EEF1AKMT1: variants seen among roughly 807,000 people sequenced by gnomAD.
EEF1AKMT1 encodes N-6 adenine-specific DNA methyltransferase 2 (putative).
Under a neutral mutation model 21.0 loss-of-function variants are expected in EEF1AKMT1, and 18 were observed. That is an observed-to-expected ratio of 0.86 (90% CI 0.59 to 1.27). EEF1AKMT1 has a LOEUF of 1.27. Ranked by LOEUF, EEF1AKMT1 falls within the 50% of genes most tolerant of loss-of-function variation. The pLI is 0.00. For synonymous variants in EEF1AKMT1, 109 were observed against 94.8 expected, an observed-to-expected ratio of 1.15 and a Z score of -0.87; for missense variants, 246 against 258.6, an observed-to-expected ratio of 0.95 and a Z score of 0.33.
Position 20,752,572 on chromosome 13 carries a change from T to A in EEF1AKMT1, c.144+4883A>T, listed in dbSNP as rs1024531720. ...TAGTATTTTGTTGAGGACTTTTGTG[T>A]CTATATTCATCTGGGATACTGGCCT... On this transcript the variant is annotated intron_variant, in intron 2 of 4. Transcript: ENST00000382758. 1.1e-4 allele frequency among the ~76,000 whole-genome samples: 17 copies of A among 152,148 alleles called. 1 individual carries two copies. The highest frequency in any genetic ancestry group is 3.8e-4 in the East Asian group (2 of 5,200).
chr13:20,734,066 G>C (rs1595011500), intron 3 of EEF1AKMT1, among the ~76,000 whole-genome samples: 3 of 152,294 alleles, frequency 2.0e-5, no homozygotes, highest in Admixed American at 2.0e-4. Context: ...GCGGTAGGAG[G>C]GGGAAAAGAA....
intron 2 of EEF1AKMT1, among the ~76,000 whole-genome samples, chr13:20,742,356 G>GA (rs147300261): frequency 0.095 from 14,014 of 148,188 alleles, 791 homozygotes; most frequent in Non-Finnish European, 0.13. Flanking sequence ...CAGTCTTTGA[G>GA]AAAAAAAAAA....
intron 2 of EEF1AKMT1, among the ~76,000 whole-genome samples, chr13:20,752,228 T>C (rs1289393067): frequency 6.6e-6 from 1 of 152,176 alleles, no homozygotes; most frequent in Non-Finnish European, 1.5e-5. Context: ...TTATTCCTGA[T>C]CTTAGAGGAA....
intron 1 of EEF1AKMT1, among the ~76,000 whole-genome samples, chr13:20,767,305 CAAAAAAAAAAA>C (rs61703956): frequency 6.7e-4 from 27 of 40,348 alleles, no homozygotes; most frequent in Non-Finnish European, 1.0e-3. Context: ...GATTCTGTCT[CAAAAAAAAAAA>C]AAAAAAAAAA....
At chr13:20,764,500 T>C (rs1252231738) in intron 1 of EEF1AKMT1, among the ~76,000 whole-genome samples, 1 of 152,190 alleles carries the variant, frequency 6.6e-6, no homozygotes, top group Non-Finnish European at 1.5e-5. Flanking sequence ...GAAGGTTATA[T>C]AAATGTGAAT....
At chr13:20,739,643 C>A (rs960825599) in intron 2 of EEF1AKMT1, among the ~76,000 whole-genome samples, 1 of 152,198 alleles carries the variant, frequency 6.6e-6, no homozygotes, top group African/African-American at 2.4e-5. Flanking sequence ...GGTGCATTTA[C>A]AAACCTTGAA....
At chr13:20,740,552 C>G (rs2058863724) in intron 2 of EEF1AKMT1, among the ~76,000 whole-genome samples, 1 of 152,242 alleles carries the variant, frequency 6.6e-6, no homozygotes, top group Non-Finnish European at 1.5e-5. Context: ...CGCCTGTAAT[C>G]CCAGCACTTT....
intron 1 of EEF1AKMT1, among the ~76,000 whole-genome samples, chr13:20,758,404 A>T (rs943575507): frequency 1.3e-5 from 2 of 152,206 alleles, no homozygotes; most frequent in Admixed American, 1.3e-4. Flanking sequence ...GGACCAAACC[A>T]ATATATGCCT....
chr13:20,737,622 T>C, intron 3 of EEF1AKMT1, 101 bp downstream of exon 3: 1 of 995,054 alleles, frequency 1.0e-6, no homozygotes, highest in Non-Finnish European at 1.5e-6. Context: ...ATCTACAATA[T>C]TTACAGATTA....
chr13:20,752,769 T>C (rs896164825), intron 2 of EEF1AKMT1, among the ~76,000 whole-genome samples: 3 of 152,236 alleles, frequency 2.0e-5, no homozygotes, highest in Non-Finnish European at 2.9e-5. Flanking sequence ...TAAAGTCATC[T>C]GGTCCTGGAC....
intron 1 of EEF1AKMT1, among the ~76,000 whole-genome samples, chr13:20,763,518 T>A (rs2059012040): frequency 6.6e-6 from 1 of 151,828 alleles, no homozygotes; most frequent in South Asian, 2.1e-4. Context: ...AATGGCTCGA[T>A]CTCAGCTCAC....
Position 20,728,809 on chromosome 13 carries a change from T to C in EEF1AKMT1, c.*271A>G, listed in dbSNP as rs2058773547. 1 of 455,446 alleles carries C rather than the reference T, an allele frequency of 2.2e-6. No homozygotes were observed. Among genetic ancestry groups the C allele is most frequent in the Non-Finnish European group, 4.0e-6 (1 of 248,766 alleles). The allele number at this position is 455,446 out of a possible 1,614,324, so 28.2% of individuals were successfully genotyped here. On this transcript the variant is annotated 3_prime_UTR_variant, in exon 5 of 5. Coordinates refer to ENST00000382758, the MANE Select transcript of EEF1AKMT1 (RefSeq NM_001318939.2). Reference sequence around the variant, plus strand: ...AGCCACACAACTGTTCTTCTGTTTTTACACATGTTAAATGAGGAGAGAAGA... The same window carrying C: ...AGCCACACAACTGTTCTTCTGTTTTCACACATGTTAAATGAGGAGAGAAGA...
chr13:20,754,763 A>C (rs935303609), intron 2 of EEF1AKMT1, among the ~76,000 whole-genome samples: 6 of 131,796 alleles, frequency 4.6e-5, no homozygotes, highest in African/African-American at 1.3e-4. Flanking sequence ...AAAAAAAAAA[A>C]ATCACTAGGT....
intron 3 of EEF1AKMT1, among the ~76,000 whole-genome samples, chr13:20,733,231 G>T (rs2058808371): frequency 6.6e-6 from 1 of 151,884 alleles, no homozygotes; most frequent in African/African-American, 2.4e-5. Context: ...GAGTAGCTGG[G>T]ATTACAGGCA....
intron 2 of EEF1AKMT1, chr13:20,748,030 G>T: frequency 4.4e-6 from 1 of 228,274 alleles, no homozygotes; most frequent in East Asian, 1.1e-4. Context: ...AGTTTGAACT[G>T]GACTTGGGAC....
intron 1 of EEF1AKMT1, among the ~76,000 whole-genome samples, chr13:20,772,482 A>G (rs1256858070): frequency 6.6e-6 from 1 of 152,168 alleles, no homozygotes; most frequent in East Asian, 1.9e-4. Context: ...AATTCACAGG[A>G]CAGCCCTCCA....
At chr13:20,741,670 T>C (rs1287738493) in intron 2 of EEF1AKMT1, among the ~76,000 whole-genome samples, 1 of 152,026 alleles carries the variant, frequency 6.6e-6, no homozygotes, top group Non-Finnish European at 1.5e-5. Flanking sequence ...TTGGCCAAGA[T>C]GGTCTCAATC....
chr13:20,765,117 C>T (rs2059021332), intron 1 of EEF1AKMT1, among the ~76,000 whole-genome samples: 1 of 151,788 alleles, frequency 6.6e-6, no homozygotes, highest in African/African-American at 2.4e-5. Context: ...AAAAACTAGC[C>T]GGGCATGGTG....
At chr13:20,762,441 G>A (rs933770468) in intron 1 of EEF1AKMT1, among the ~76,000 whole-genome samples, 2 of 151,630 alleles carry the variant, frequency 1.3e-5, no homozygotes, top group African/African-American at 4.8e-5. Flanking sequence ...CGCCCACCTC[G>A]GCCTCCCAAA....
Sources: allele counts gnomAD v4.1 joint callset (sites outside exome capture counted in the v4.1 genomes callset), GRCh38; gene constraint gnomAD v4.1.1; transcripts MANE v1.5; gene names NCBI Gene and HGNC (gene_info 2026-07-23, HGNC 2026-07-21).